The following TTLL10 variants were observed in gnomAD, a reference collection of about 807,000 sequenced individuals.
TTLL10 encodes the protein inactive polyglycylase TTLL10.
In TTLL10, 61 loss-of-function variants were observed where a neutral mutation model predicts 69.0. The ratio of observed to expected loss-of-function variants is 0.88; its 90% confidence interval spans 0.72 to 1.09. The LOEUF is 1.09. Ranked by LOEUF, TTLL10 falls within the 50% of genes least tolerant of loss-of-function variation. TTLL10 has a pLI of 0.00. For synonymous variants in TTLL10, 408 were observed against 393.3 expected (o/e 1.04, Z -0.44); for missense variants, 962 against 945.9 (o/e 1.02, Z -0.22).
In TTLL10 at chr1:1,185,312, C is replaced by T. The variant is rs1003567811; in HGVS notation, c.1401+203C>T. ...CTGTCCCCAGCAGCCAGCAAAGGCC[C>T]GGACGGAAAGCCCAGTCGGGGGTCT... On this transcript the variant is annotated intron_variant, in intron 13 of 15. Coordinates refer to ENST00000379289, the MANE Select transcript of TTLL10 (RefSeq NM_001130045.2). This position sits in a 1 kb window ranked among gnomAD's most constrained non-coding sequence, Gnocchi z 6.1. 8.6e-6 allele frequency: 12 copies of T among 1,395,404 alleles called. No individual in the cohort carries two copies. The highest frequency in any genetic ancestry group is 3.4e-5 in the South Asian group (2 of 58,630). 86.4% of individuals were successfully genotyped at this position (1,395,404 alleles called of 1,614,324 possible).
At chr1:1,187,814 C>T (rs569070727) in intron 13 of TTLL10, among the ~76,000 whole-genome samples, 2 of 148,040 alleles carry the variant, frequency 1.4e-5, no homozygotes, top group African/African-American at 2.5e-5. Context: ...CTGAGGCAAG[C>T]GAATCACTTG....
chr1:1,193,341 A>G (rs1435977605), intron 13 of TTLL10, among the ~76,000 whole-genome samples: 1 of 152,122 alleles, frequency 6.6e-6, no homozygotes, highest in Non-Finnish European at 1.5e-5. Context: ...TAATAATAAT[A>G]ATAATTACTG....
chr1:1,194,972 T>C (rs571931402), intron 13 of TTLL10, among the ~76,000 whole-genome samples: 2 of 152,198 alleles, frequency 1.3e-5, no homozygotes, highest in African/African-American at 4.8e-5. Context: ...TGAGGCTTTA[T>C]TTTTCTTCCC....
intron 13 of TTLL10, among the ~76,000 whole-genome samples, chr1:1,187,283 T>A (rs1477738813): frequency 6.6e-6 from 1 of 152,194 alleles, no homozygotes; most frequent in Non-Finnish European, 1.5e-5. Flanking sequence ...TTTGATGAAA[T>A]CCAGTTTATC....
At chr1:1,176,054 C>T (rs562023142) in intron 3 of TTLL10, 43 of 399,256 alleles carry the variant, frequency 1.1e-4, no homozygotes, top group South Asian at 4.1e-4. Context: ...GAGAGGCTGA[C>T]GCTGTGCAGG....
chr1:1,179,448 C>T, intron 4 of TTLL10, 115 bp downstream of exon 4: 1 of 1,250,392 alleles, frequency 8.0e-7, no homozygotes, highest in Non-Finnish European at 1.1e-6. Flanking sequence ...GCAGGATCCA[C>T]ACATGGCCAT....
intron 13 of TTLL10, 102 bp from the exon 14 acceptor site, chr1:1,196,498 C>G: frequency 1.2e-6 from 1 of 845,368 alleles, no homozygotes; most frequent in Non-Finnish European, 1.9e-6. Flanking sequence ...GGTGCGGGTT[C>G]AGATGGGAGT....
rs564478078 is a variant in TTLL10 at position 1,180,518 on chromosome 1, G to A, written c.542G>A (p.Arg181His). 6.9e-5 allele frequency: 107 copies of A among 1,552,414 alleles called. 1 individual carries two copies. The South Asian group carries it at 1.0e-3, about 15-fold the overall frequency. Residue 181 changes from arginine to histidine, a missense_variant, in exon 7 of 16, where the codon CGC becomes CAC. Transcript: ENST00000379289. ...TACTGCAAAAGCAAGGGCTGGCAGC[G>A]CATCCATGACAGCCGCCGGGACGAC... ...SSYCKSKGWQ[R>H]IHDSRRDDYT...
At chr1:1,192,446 C>G (rs1334873216) in intron 13 of TTLL10, among the ~76,000 whole-genome samples, 3 of 152,122 alleles carry the variant, frequency 2.0e-5, no homozygotes, top group African/African-American at 7.2e-5. Context: ...TGAGTGTAGA[C>G]ACTCCAGTTG....
intron 13 of TTLL10, among the ~76,000 whole-genome samples, chr1:1,193,182 A>G (rs1309074067): frequency 1.3e-5 from 2 of 152,062 alleles, no homozygotes; most frequent in African/African-American, 2.4e-5. Context: ...AACATTAGCC[A>G]GGCGTGGTGG....
In TTLL10 at chr1:1,182,977, CG is replaced by C; in HGVS notation, c.1020del (p.Ser341AlafsTer51). 6.2e-7 allele frequency: 1 copy of C among 1,608,526 alleles called. No homozygotes were observed. Among genetic ancestry groups the C allele is most frequent in the East Asian group, 2.2e-5 (1 of 44,634 alleles). ...EEVAALQAKT[R>X]SMEDDPIHHK... ...AGTTGCCGCCCTGCAGGCCAAGACC[CG>C]GAGCATGGAGGACGACCCCATCCAC... is the stretch of plus-strand genomic sequence containing the variant. On this transcript the variant is annotated frameshift_variant, in exon 11 of 16. Coordinates refer to ENST00000379289, the MANE Select transcript of TTLL10 (RefSeq NM_001130045.2). LOFTEE classifies it high-confidence loss of function.
intron 13 of TTLL10, among the ~76,000 whole-genome samples, chr1:1,195,519 AG>A (rs1648139507): frequency 2.8e-5 from 1 of 35,818 alleles, no homozygotes; most frequent in African/African-American, 1.5e-4. Flanking sequence ...TTTTTTTTTT[AG>A]TTTTAGTAGA....
chr1:1,192,122 T>A (rs1218213668), intron 13 of TTLL10, among the ~76,000 whole-genome samples: 1 of 152,260 alleles, frequency 6.6e-6, no homozygotes, highest in Admixed American at 6.5e-5. Context: ...CTGTTAGGTC[T>A]GTTTGGTTTA....
At position 1,193,756 on chromosome 1, in the gene TTLL10, C is replaced by T. The variant is rs1033675650; in HGVS notation, c.1402-2844C>T. On this transcript the variant is annotated intron_variant, in intron 13 of 15. Transcript: ENST00000379289. Reference sequence around the variant, plus strand: ...CTGGGATTACAGGCGTGAGCCACCACGCCTGGCTTAGTGTAGCATTTTAAT... The same window carrying T: ...CTGGGATTACAGGCGTGAGCCACCATGCCTGGCTTAGTGTAGCATTTTAAT... 4.6e-5 allele frequency among the ~76,000 whole-genome samples: 7 copies of T among 152,182 alleles called. No homozygotes were observed. The East Asian group carries it at 5.8e-4, about 13-fold the overall frequency.
intron 11 of TTLL10, among the ~76,000 whole-genome samples, chr1:1,183,497 C>A (rs1647144003): frequency 6.6e-6 from 1 of 152,170 alleles, no homozygotes; most frequent in African/African-American, 2.4e-5. Flanking sequence ...CTCGTAGAGC[C>A]TCACTCTGAC....
At chr1:1,194,992 CTCTT>C (rs939571705) in intron 13 of TTLL10, among the ~76,000 whole-genome samples, 11 of 151,780 alleles carry the variant, frequency 7.2e-5, no homozygotes, top group African/African-American at 2.4e-4. Flanking sequence ...CTCTCTCTCT[CTCTT>C]TCATTTTTTG....
chr1:1,178,638 C>T (rs1377980396), intron 3 of TTLL10, among the ~76,000 whole-genome samples: 1 of 152,026 alleles, frequency 6.6e-6, no homozygotes, highest in Non-Finnish European at 1.5e-5. Context: ...GTAGAAAGAT[C>T]TGTCGAGGAA....
intron 11 of TTLL10, among the ~76,000 whole-genome samples, chr1:1,183,354 C>G (rs531937991): frequency 6.6e-6 from 1 of 152,298 alleles, no homozygotes; most frequent in African/African-American, 2.4e-5. Flanking sequence ...ACTCCCCGGC[C>G]CAGCCAGCCA....
chr1:1,195,464 G>A (rs891233235), intron 13 of TTLL10, among the ~76,000 whole-genome samples: 18 of 139,172 alleles, frequency 1.3e-4, no homozygotes, highest in African/African-American at 4.4e-4. Context: ...CTCTTCACCA[G>A]TATTCTCTAT....
Sources: allele counts gnomAD v4.1 joint callset (sites outside exome capture counted in the v4.1 genomes callset), GRCh38; gene constraint gnomAD v4.1.1; non-coding constraint Gnocchi (gnomAD v3.1); transcripts MANE v1.5; gene names NCBI Gene and HGNC (gene_info 2026-07-23, HGNC 2026-07-21).